Variants in CACNA1B observed in about 807,000 individuals in gnomAD.
CACNA1B encodes calcium voltage-gated channel subunit alpha1 B.
In CACNA1B, 70 loss-of-function variants were observed where a neutral mutation model predicts 247.2. That is an observed-to-expected ratio of 0.28 (90% confidence interval 0.23 to 0.35). The LOEUF (loss-of-function observed/expected upper bound fraction) is 0.35. Ranked by LOEUF, CACNA1B falls within the 10% of genes least tolerant of loss-of-function variation. The pLI, the probability that CACNA1B is intolerant of heterozygous loss-of-function variation, is 1.00. For synonymous variants in CACNA1B, 1,231 were observed against 1,294.4 expected (o/e 0.95, Z 1.05); for missense variants, 2,367 against 3,197.4 (o/e 0.74, Z 6.26).
At chr9:138,118,852 G>A in intron 44 of CACNA1B, 84 bp downstream of exon 44, 1 of 678,122 alleles carries the variant, frequency 1.5e-6, no homozygotes, top group African/African-American at 1.8e-5. Context: ...CCTCCTGCAG[G>A]TGAGGAGAGC....
At chr9:138,090,355 A>G (rs999957197) in intron 36 of CACNA1B, among the ~76,000 whole-genome samples, 2 of 152,150 alleles carry the variant, frequency 1.3e-5, no homozygotes, top group African/African-American at 4.8e-5. Context: ...ATCCACATGC[A>G]GAAAAATGCA....
At position 138,121,907 on chromosome 9, in the gene CACNA1B, G is replaced by A. The variant is rs201689533; in HGVS notation, c.6928G>A (p.Val2310Met). ...CTCCCAGTCTCACCCTCTCCGCCGCGTGCCCAACGGTTACCACTGCACCCT... is the reference window on the plus strand; with the variant it reads ...CTCCCAGTCTCACCCTCTCCGCCGCATGCCCAACGGTTACCACTGCACCCT... ...LTSQSHPLRR[V>M]PNGYHCTLGL... Residue 2310 changes from valine (V) to methionine (M), a missense_variant, in exon 47 of 47, where the codon GTG becomes ATG. Val to Met is a conservative substitution (Grantham distance 21, BLOSUM62 1). Transcript: ENST00000371372. The surrounding 1 kb of genome is among the most constrained non-coding windows in gnomAD (Gnocchi z 6.8). The A allele has an allele frequency of 7.2e-5, 116 of 1,611,586 alleles. No individual in the cohort carries two copies. The highest frequency in any genetic ancestry group is 8.8e-5 in the South Asian group (8 of 91,086).
chr9:137,914,852 C>G lies in CACNA1B; in HGVS notation c.775+46C>G. On this transcript the variant is annotated intron_variant, in intron 5 of 46. Transcript: ENST00000371372. This position sits in a 1 kb window ranked among gnomAD's most constrained non-coding sequence, Gnocchi z 4.3. ...CCAGCACAGGCAAGTGCCACGGATG[C>G]GTTCATCCAGGAGATGGGCACTGTT... 1 of 1,603,146 alleles carries G rather than the reference C, an allele frequency of 6.2e-7. No homozygotes were observed. Among genetic ancestry groups the G allele is most frequent in the Non-Finnish European group, 8.5e-7 (1 of 1,173,742 alleles).
intron 6 of CACNA1B, among the ~76,000 whole-genome samples, chr9:137,949,267 GTGTC>G (rs1285131348): frequency 2.1e-4 from 2 of 9,404 alleles, no homozygotes; most frequent in African/African-American, 3.4e-4. Context: ...GTGCGTGTGT[GTGTC>G]TGGTGTGTGT....
intron 20 of CACNA1B, among the ~76,000 whole-genome samples, chr9:138,034,413 CCAGTTTCTGCTGG>C: frequency 6.6e-6 from 1 of 151,682 alleles, no homozygotes; most frequent in South Asian, 2.1e-4. Flanking sequence ...GGCTCCCCAC[CCAGTTTCTGCTGG>C]TATAAGTGGA....
intron 3 of CACNA1B, among the ~76,000 whole-genome samples, chr9:137,884,180 T>C (rs1956969227): frequency 6.6e-6 from 1 of 152,170 alleles, no homozygotes; most frequent in African/African-American, 2.4e-5. Context: ...GGGTGTCGCA[T>C]GGAAGGCTCA....
At chr9:138,016,377 G>A (rs541328609) in intron 18 of CACNA1B, among the ~76,000 whole-genome samples, 23 of 152,374 alleles carry the variant, frequency 1.5e-4, no homozygotes, top group African/African-American at 5.3e-4. Context: ...GTTTCTTTCT[G>A]TTGGTTTTAG....
chr9:138,019,839 C>T (rs937695212), intron 18 of CACNA1B, among the ~76,000 whole-genome samples: 2 of 152,074 alleles, frequency 1.3e-5, no homozygotes, highest in Admixed American at 6.5e-5. Flanking sequence ...TGGCTCACAC[C>T]TGTAATCTAG....
At chr9:137,896,036 G>A (rs1014668615) in intron 3 of CACNA1B, among the ~76,000 whole-genome samples, 5 of 152,068 alleles carry the variant, frequency 3.3e-5, no homozygotes, top group African/African-American at 9.7e-5. Flanking sequence ...TCAGGAGATC[G>A]AGACCATCCT....
chr9:137,899,492 G>A lies in CACNA1B; in HGVS notation c.531-13688G>A, dbSNP rs533539301. On this transcript the variant is annotated intron_variant, in intron 3 of 46. Transcript: ENST00000371372. This position sits in a 1 kb window ranked among gnomAD's most constrained non-coding sequence, Gnocchi z 5.0. ...CTCACCGCTGTCGTGTGTGTGCTTG[G>A]GGTTGGGGTTCCCCGCATGCCATGC... 3.3e-5 allele frequency among the ~76,000 whole-genome samples: 5 copies of A among 152,292 alleles called. No individual in the cohort carries two copies. The East Asian group carries it at 7.7e-4, about 24-fold the overall frequency.
intron 31 of CACNA1B, among the ~76,000 whole-genome samples, chr9:138,061,983 GGACA>G (rs1959741892): frequency 6.6e-6 from 1 of 152,240 alleles, no homozygotes; most frequent in Non-Finnish European, 1.5e-5. Flanking sequence ...GGGCTGGTGA[GGACA>G]GAGGCTAGCC....
intron 36 of CACNA1B, among the ~76,000 whole-genome samples, chr9:138,087,043 T>C: frequency 6.6e-6 from 1 of 151,092 alleles, no homozygotes; most frequent in East Asian, 2.0e-4. Context: ...TCATGAAAAT[T>C]AACATTCTCC....
chr9:138,006,986 C>T lies in CACNA1B; in HGVS notation c.2092+102C>T, dbSNP rs116183563. ...CTCCAGGAGGACTAGGGGCCGTGGA[C>T]GTGAGAGGTGCATTCTCAGAGCTGA... On this transcript the variant is annotated intron_variant, in intron 16 of 46. Coordinates refer to ENST00000371372, the MANE Select transcript of CACNA1B (RefSeq NM_000718.4). The T allele has an allele frequency of 3.4e-3, 2,300 of 677,296 alleles. 45 individuals carry two copies. In the African/African-American group the frequency reaches 0.036, roughly 11 times the overall value. The allele number at this position is 677,296 out of a possible 1,614,324, so 42.0% of individuals were successfully genotyped here.
chr9:138,031,675 C>T (rs1162888485), intron 20 of CACNA1B, among the ~76,000 whole-genome samples: 1 of 152,122 alleles, frequency 6.6e-6, no homozygotes, highest in Non-Finnish European at 1.5e-5. Flanking sequence ...CATGTGTTTG[C>T]AGTTCTGTTT....
chr9:137,999,781 A>C (rs1958543847), intron 15 of CACNA1B, among the ~76,000 whole-genome samples: 1 of 151,994 alleles, frequency 6.6e-6, no homozygotes, highest in Admixed American at 6.6e-5. Flanking sequence ...AGTGCTGGTA[A>C]TGCAGGCATG....
At chr9:138,046,843 G>A (rs1377635400) in intron 21 of CACNA1B, 61 bp from the exon 22 acceptor site, 6 of 1,560,240 alleles carry the variant, frequency 3.8e-6, no homozygotes, top group Non-Finnish European at 5.2e-6. Context: ...AGCCTGCCCT[G>A]TGGCAAGGGG....
chr9:138,010,109 C>T lies in CACNA1B; in HGVS notation c.2160+32C>T. On this transcript the variant is annotated intron_variant, in intron 17 of 46. Coordinates refer to ENST00000371372, the MANE Select transcript of CACNA1B (RefSeq NM_000718.4). The surrounding 1 kb of genome is among the most constrained non-coding windows in gnomAD (Gnocchi z 5.3). The stretch of plus-strand genomic sequence containing the variant: ...GGCGACAGGGAGGGACCGGTGTCAG[C>T]CCATGTCACTTGAATGTGGCCGCAG... 1 of 1,569,534 alleles carries T rather than the reference C, an allele frequency of 6.4e-7. No homozygotes were observed. The highest frequency in any genetic ancestry group is 1.1e-5 in the South Asian group (1 of 90,194).
At chr9:137,985,023 A>G (rs1270950911) in intron 13 of CACNA1B, among the ~76,000 whole-genome samples, 7 of 152,188 alleles carry the variant, frequency 4.6e-5, no homozygotes. Flanking sequence ...CCTACCAGAC[A>G]CACACGTGGG....
intron 42 of CACNA1B, among the ~76,000 whole-genome samples, chr9:138,116,065 G>A (rs1391366829): frequency 6.6e-6 from 1 of 152,136 alleles, no homozygotes; most frequent in East Asian, 1.9e-4. Context: ...AGACCACCAC[G>A]TCCCATTCCC....
Sources: gnomAD v4.1 joint callset for allele counts (sites outside exome capture counted in the v4.1 genomes callset) on GRCh38, gnomAD v4.1.1 for gene constraint, Gnocchi (gnomAD v3.1) non-coding constraint, MANE v1.5 for transcripts, NCBI Gene and HGNC (gene_info 2026-07-23, HGNC 2026-07-21) for gene names.